ADD3: variants seen among roughly 807,000 people sequenced by gnomAD.
ADD3 encodes gamma-adducin.
In ADD3, 25 loss-of-function variants were observed where a neutral mutation model predicts 80.2. The ratio of observed to expected loss-of-function variants is 0.31; its 90% CI spans 0.23 to 0.44. The LOEUF is 0.44. Ranked by LOEUF, ADD3 falls within the 20% of genes least tolerant of loss-of-function variation. ADD3 has a pLI of 1.00. For missense variants in ADD3, 829 were observed against 847.5 expected (o/e 0.98, Z 0.27); for synonymous variants, 284 against 289.6 (o/e 0.98, Z 0.20).
At chr10:110,012,884 C>T (rs1289739914) in intron 1 of ADD3, among the ~76,000 whole-genome samples, 2 of 152,142 alleles carry the variant, frequency 1.3e-5, no homozygotes, top group Non-Finnish European at 2.9e-5. Context: ...CAGGCATGAG[C>T]CACAGGCCTG....
At chr10:110,106,365 A>G (rs932295410) in intron 2 of ADD3, among the ~76,000 whole-genome samples, 5 of 151,928 alleles carry the variant, frequency 3.3e-5, no homozygotes, top group African/African-American at 1.2e-4. Flanking sequence ...TAAAAAATCA[A>G]ATTGGTTCTC....
intron 1 of ADD3, among the ~76,000 whole-genome samples, chr10:110,057,988 T>C (rs537717430): frequency 1.8e-4 from 28 of 152,358 alleles, no homozygotes; most frequent in African/African-American, 6.7e-4. Context: ...TGCTATCATT[T>C]CCCTTATGCA....
chr10:110,072,640 A>G (rs1844874248), intron 1 of ADD3, among the ~76,000 whole-genome samples: 1 of 152,190 alleles, frequency 6.6e-6, no homozygotes, highest in Admixed American at 6.5e-5. Flanking sequence ...ATAGTCAGAA[A>G]TGCCTGCAGA....
chr10:110,090,693 T>G (rs1451013210), intron 1 of ADD3, among the ~76,000 whole-genome samples: 2 of 152,234 alleles, frequency 1.3e-5, no homozygotes, highest in African/African-American at 4.8e-5. Flanking sequence ...AATTTGAAAC[T>G]GAAACACCCT....
chr10:110,062,142 C>T (rs1312395382), intron 1 of ADD3, among the ~76,000 whole-genome samples: 1 of 133,046 alleles, frequency 7.5e-6, no homozygotes, highest in Admixed American at 8.9e-5. Flanking sequence ...GCAGGCGTAT[C>T]ACCTGAGGTC....
At chr10:110,033,320 T>C (rs542206108) in intron 1 of ADD3, among the ~76,000 whole-genome samples, 9 of 152,194 alleles carry the variant, frequency 5.9e-5, no homozygotes, top group Non-Finnish European at 8.8e-5. Flanking sequence ...AATAGCAGAA[T>C]AGATGTAAGC....
chr10:110,028,585 T>C (rs950930854), intron 1 of ADD3, among the ~76,000 whole-genome samples: 6 of 151,918 alleles, frequency 3.9e-5, no homozygotes, highest in Admixed American at 3.9e-4. Context: ...AAAAAATAAA[T>C]AGCCCATTTA....
intron 1 of ADD3, among the ~76,000 whole-genome samples, chr10:110,020,931 C>T (rs1237149125): frequency 6.6e-6 from 1 of 152,160 alleles, no homozygotes; most frequent in Non-Finnish European, 1.5e-5. Flanking sequence ...CAGTTTGAGA[C>T]ATTCATTTGA....
chr10:110,111,868 G>A (rs1030003023), intron 2 of ADD3, among the ~76,000 whole-genome samples: 6 of 151,784 alleles, frequency 4.0e-5, no homozygotes, highest in Non-Finnish European at 7.4e-5. Context: ...AGTTGAGATC[G>A]CGCCGTTGCA....
At chr10:110,050,277 T>C (rs1046251153) in intron 1 of ADD3, among the ~76,000 whole-genome samples, 7 of 152,146 alleles carry the variant, frequency 4.6e-5, no homozygotes, top group African/African-American at 1.7e-4. Context: ...ATAATTCCCA[T>C]GTGCCGTAGG....
At chr10:110,062,679 G>A (rs1022395487) in intron 1 of ADD3, among the ~76,000 whole-genome samples, 4 of 152,200 alleles carry the variant, frequency 2.6e-5, no homozygotes, top group Non-Finnish European at 4.4e-5. Flanking sequence ...TAATAAATTA[G>A]TGAAGAAGAC....
At chr10:110,077,779 C>T (rs918692661) in intron 1 of ADD3, among the ~76,000 whole-genome samples, 1 of 89,726 alleles carries the variant, frequency 1.1e-5, no homozygotes, top group Non-Finnish European at 1.8e-5. Context: ...TTTTTTTTCG[C>T]AACTGGGGGT....
intron 3 of ADD3, among the ~76,000 whole-genome samples, chr10:110,114,745 C>A (rs886560822): frequency 4.6e-5 from 7 of 152,028 alleles, no homozygotes; most frequent in African/African-American, 1.7e-4. Context: ...ACCTTTAGAC[C>A]CTTTTAATTT....
intron 1 of ADD3, among the ~76,000 whole-genome samples, chr10:110,029,823 G>C (rs1000637706): frequency 2.0e-5 from 3 of 152,188 alleles, no homozygotes; most frequent in African/African-American, 7.2e-5. Context: ...TTAACTAAAG[G>C]TATGATTGTC....
chr10:110,123,736 A>T, intron 9 of ADD3: 1 of 321,694 alleles, frequency 3.1e-6, no homozygotes, highest in Non-Finnish European at 5.8e-6. Context: ...ATAGATAGAA[A>T]AGCACTTCTG....
intron 1 of ADD3, among the ~76,000 whole-genome samples, chr10:110,065,063 A>T (rs1009693554): frequency 2.6e-5 from 4 of 152,074 alleles, no homozygotes; most frequent in African/African-American, 9.7e-5. Flanking sequence ...AAAAAAAATT[A>T]CAAATTTCTT....
At chr10:110,059,805 A>C (rs1045496194) in intron 1 of ADD3, among the ~76,000 whole-genome samples, 4 of 152,198 alleles carry the variant, frequency 2.6e-5, no homozygotes, top group Admixed American at 1.3e-4. Flanking sequence ...CATTCATACA[A>C]GTATGAATTT....
At chr10:110,097,604 C>T (rs1848319958) in intron 1 of ADD3, among the ~76,000 whole-genome samples, 1 of 152,046 alleles carries the variant, frequency 6.6e-6, no homozygotes, top group African/African-American at 2.4e-5. Context: ...GATGTAAATA[C>T]TATTATCAAA....
intron 1 of ADD3, among the ~76,000 whole-genome samples, chr10:110,041,175 G>A (rs1856314148): frequency 6.6e-6 from 1 of 152,172 alleles, no homozygotes; most frequent in Admixed American, 6.5e-5. Context: ...TTTTAAGTAG[G>A]TAGTTGAACA....
Sources: allele counts gnomAD v4.1 joint callset (sites outside exome capture counted in the v4.1 genomes callset), GRCh38; gene constraint gnomAD v4.1.1; transcripts MANE v1.5; gene names NCBI Gene and HGNC (gene_info 2026-07-23, HGNC 2026-07-21).